The following AK5 variants were observed in gnomAD, a reference collection of about 807,000 sequenced individuals.
The protein encoded by AK5 is adenylate kinase 5.
Under a neutral mutation model 69.5 loss-of-function variants are expected in AK5, and 27 were observed. The observed-to-expected ratio is 0.39, with a 90% CI of 0.29 to 0.54. AK5 has a LOEUF of 0.54. AK5 is among the 20% of genes least tolerant of loss of function. AK5 has a pLI of 0.71. For missense variants in AK5, 531 were observed against 700.4 expected (o/e 0.76, Z 2.73); for synonymous variants, 260 against 244.4 (o/e 1.06, Z -0.60).
In AK5 at chr1:77,559,150, T is replaced by C. The variant is rs1216008323; in HGVS notation, c.*480T>C. 1 of 152,804 alleles carries C rather than the reference T, an allele frequency of 6.5e-6. No homozygotes were observed. The highest frequency in any genetic ancestry group is 1.5e-5 in the Non-Finnish European group (1 of 68,536). The allele number at this position is 152,804 out of a possible 1,614,324, so 9.5% of individuals were successfully genotyped here. On this transcript the variant is annotated 3_prime_UTR_variant, in exon 14 of 14. Coordinates refer to ENST00000354567, the MANE Select transcript of AK5 (RefSeq NM_174858.3). ...CATCTTCCTTTGGTGTCTGGCTGTTTTGTCAACTCTCATCCACTGGTGGCT... is the reference window on the plus strand; with the variant it reads ...CATCTTCCTTTGGTGTCTGGCTGTTCTGTCAACTCTCATCCACTGGTGGCT...
rs1293744048 is a variant in AK5, at chr1:77,385,395, A to G, written c.892-25586A>G. ...AGGATGGTCTCGATCTCCTGATCTCATGATCCACCCACCTTGGCCTCCCAA... is the reference window on the plus strand; with the variant it reads ...AGGATGGTCTCGATCTCCTGATCTCGTGATCCACCCACCTTGGCCTCCCAA... On this transcript the variant is annotated intron_variant, in intron 6 of 13. Coordinates refer to ENST00000354567, the MANE Select transcript of AK5 (RefSeq NM_174858.3). Among the ~76,000 whole-genome samples the G allele has an allele frequency of 2.0e-5, 3 of 152,104 alleles. No individual in the cohort carries two copies. The East Asian group carries it at 5.8e-4, about 29-fold the overall frequency.
intron 2 of AK5, among the ~76,000 whole-genome samples, chr1:77,288,785 T>C (rs1658509489): frequency 6.6e-6 from 1 of 152,170 alleles, no homozygotes; most frequent in South Asian, 2.1e-4. Flanking sequence ...TAGAAAATTT[T>C]TGATGTGACT....
intron 2 of AK5, among the ~76,000 whole-genome samples, chr1:77,292,385 C>T (rs1164629177): frequency 1.3e-5 from 2 of 152,052 alleles, no homozygotes; most frequent in East Asian, 3.9e-4. Flanking sequence ...GGTCAATGGC[C>T]TTATTTATTG....
chr1:77,384,036 A>G (rs1647836974), intron 6 of AK5, among the ~76,000 whole-genome samples: 1 of 152,162 alleles, frequency 6.6e-6, no homozygotes, highest in African/African-American at 2.4e-5. Flanking sequence ...CAGTTTCTTC[A>G]TATCTAAATT....
chr1:77,324,616 C>T (rs577867328), intron 5 of AK5, among the ~76,000 whole-genome samples: 74 of 151,958 alleles, frequency 4.9e-4, no homozygotes, highest in African/African-American at 1.7e-3. Flanking sequence ...GGATGTAGAC[C>T]GCAGAGTTAA....
At chr1:77,465,841 A>C in intron 8 of AK5, among the ~76,000 whole-genome samples, 2 of 152,346 alleles carry the variant, frequency 1.3e-5, no homozygotes, top group South Asian at 2.1e-4. Flanking sequence ...TTACATTTGT[A>C]CAAGAATTTA....
intron 8 of AK5, among the ~76,000 whole-genome samples, chr1:77,459,577 A>G (rs1004050824): frequency 1.3e-5 from 2 of 152,214 alleles, no homozygotes; most frequent in African/African-American, 4.8e-5. Context: ...TTCTGATTCA[A>G]TAGGTCTGAG....
intron 6 of AK5, among the ~76,000 whole-genome samples, chr1:77,351,497 A>G (rs1407298757): frequency 2.0e-5 from 3 of 152,224 alleles, no homozygotes; most frequent in African/African-American, 4.8e-5. Context: ...GAGTAGTACA[A>G]TGACTACATG....
chr1:77,472,623 C>T (rs1654586744), intron 8 of AK5, among the ~76,000 whole-genome samples: 1 of 152,016 alleles, frequency 6.6e-6, no homozygotes, highest in South Asian at 2.1e-4. Context: ...TGGCTCATGC[C>T]TGTAATCCCA....
At chr1:77,347,896 A>T (rs866093894) in intron 6 of AK5, among the ~76,000 whole-genome samples, 1 of 152,064 alleles carries the variant, frequency 6.6e-6, no homozygotes, top group South Asian at 2.1e-4. Context: ...TCGTCTTCAC[A>T]CCCCGTAGAC....
At chr1:77,496,599 G>T (rs1053515079) in intron 10 of AK5, among the ~76,000 whole-genome samples, 1 of 152,206 alleles carries the variant, frequency 6.6e-6, no homozygotes, top group South Asian at 2.1e-4. Context: ...TCCATTATGG[G>T]AACAGGTGAA....
intron 6 of AK5, among the ~76,000 whole-genome samples, chr1:77,404,551 T>A (rs1649486620): frequency 6.6e-6 from 1 of 152,202 alleles, no homozygotes; most frequent in African/African-American, 2.4e-5. Flanking sequence ...GTGGCAATTA[T>A]GATAATATTC....
At chr1:77,394,245 G>A (rs553157804) in intron 6 of AK5, among the ~76,000 whole-genome samples, 24 of 151,840 alleles carry the variant, frequency 1.6e-4, no homozygotes, top group South Asian at 4.2e-4. Context: ...AAAAAATGTC[G>A]TAAATCTGAA....
chr1:77,422,816 C>A (rs1377991389), intron 8 of AK5, among the ~76,000 whole-genome samples: 1 of 152,230 alleles, frequency 6.6e-6, no homozygotes, highest in Non-Finnish European at 1.5e-5. Flanking sequence ...AAGCCAAGAA[C>A]ATGAATTCCA....
chr1:77,405,454 C>T (rs1004267003), intron 6 of AK5, among the ~76,000 whole-genome samples: 4 of 152,216 alleles, frequency 2.6e-5, no homozygotes, highest in Non-Finnish European at 4.4e-5. Flanking sequence ...TGACTGTCAC[C>T]GCATATCCTA....
intron 13 of AK5, among the ~76,000 whole-genome samples, chr1:77,554,769 CTAT>C (rs1411167681): frequency 8.0e-4 from 70 of 86,984 alleles, no homozygotes; most frequent in Non-Finnish European, 1.5e-3. Flanking sequence ...CCATGCCCGG[CTAT>C]TTTTTTTTTT....
intron 10 of AK5, among the ~76,000 whole-genome samples, chr1:77,503,040 T>G (rs1472380484): frequency 6.6e-6 from 1 of 152,214 alleles, no homozygotes; most frequent in Non-Finnish European, 1.5e-5. Context: ...AGGAAAGTCT[T>G]CCTAAGACTG....
At chr1:77,407,719 C>T (rs367915384) in intron 6 of AK5, among the ~76,000 whole-genome samples, 8 of 151,996 alleles carry the variant, frequency 5.3e-5, no homozygotes, top group Admixed American at 2.0e-4. Flanking sequence ...GTATGATTGA[C>T]GCCATCACCC....
At chr1:77,381,782 A>G (rs1647651076) in intron 6 of AK5, among the ~76,000 whole-genome samples, 1 of 152,172 alleles carries the variant, frequency 6.6e-6, no homozygotes, top group African/African-American at 2.4e-5. Flanking sequence ...TATTTTGTAT[A>G]TTCAGCTAAA....
Sources: allele counts gnomAD v4.1 joint callset (sites outside exome capture counted in the v4.1 genomes callset), GRCh38; gene constraint gnomAD v4.1.1; transcripts MANE v1.5; gene names NCBI Gene and HGNC (gene_info 2026-07-23, HGNC 2026-07-21).